The following ZNF385B variants were observed in gnomAD, a reference collection of about 807,000 sequenced individuals.
The protein encoded by ZNF385B is zinc finger protein 385B.
Under a neutral mutation model 39.2 loss-of-function variants are expected in ZNF385B, and 23 were observed. The observed-to-expected ratio is 0.59, with a 90% CI of 0.42 to 0.83. ZNF385B has a LOEUF of 0.83. Among genes scored for constraint, ZNF385B ranks in the 40% least tolerant of loss-of-function variants. The pLI, the probability that ZNF385B is intolerant of heterozygous loss-of-function variation, is 0.00. For missense variants in ZNF385B, 552 were observed against 598.9 expected, an observed-to-expected ratio of 0.92 and a Z score of 0.82; for synonymous variants, 205 against 222.6, an observed-to-expected ratio of 0.92 and a Z score of 0.70.
rs1703654182 is a variant in ZNF385B at position 179,765,785 on chromosome 2, T to C, written c.298+3718A>G. Among the ~76,000 whole-genome samples the C allele has an allele frequency of 3.3e-5, 5 of 152,158 alleles. No individual in the cohort carries two copies. The South Asian group carries it at 1.0e-3, about 31-fold the overall frequency. ...GACAAAGAAACTCACAACTACTTTT[T>C]CCTTTCTGGAAGCCAAGACCCATCT... On this transcript the variant is annotated intron_variant, in intron 3 of 9. Coordinates refer to ENST00000410066, the MANE Select transcript of ZNF385B (RefSeq NM_152520.6).
intron 3 of ZNF385B, among the ~76,000 whole-genome samples, chr2:179,693,823 T>C (rs1432633260): frequency 6.6e-6 from 1 of 152,230 alleles, no homozygotes; most frequent in African/African-American, 2.4e-5. Context: ...TGTGAAATAA[T>C]CAGATGTTTG....
chr2:179,534,770 T>C (rs969877368), intron 4 of ZNF385B: 3 of 152,146 alleles, frequency 2.0e-5, no homozygotes, highest in African/African-American at 7.2e-5. Flanking sequence ...CAAGCCCAGG[T>C]AGGACGGTCA....
intron 3 of ZNF385B, among the ~76,000 whole-genome samples, chr2:179,666,670 G>C (rs1695201235): frequency 6.6e-6 from 1 of 151,594 alleles, no homozygotes; most frequent in Non-Finnish European, 1.5e-5. Flanking sequence ...ATAATCATAA[G>C]AATATTTATT....
At chr2:179,807,929 A>AGAAAGAAAGAAGGAAG (rs749760813) in intron 1 of ZNF385B, among the ~76,000 whole-genome samples, 18 of 116,520 alleles carry the variant, frequency 1.5e-4, no homozygotes, top group East Asian at 6.5e-4. Flanking sequence ...AAAGAAAGAA[A>AGAAAGAAAGAAGGAAG]GAAGGAAGGA....
At chr2:179,476,847 A>G (rs1270877726) in intron 6 of ZNF385B, among the ~76,000 whole-genome samples, 2 of 152,208 alleles carry the variant, frequency 1.3e-5, no homozygotes, top group Non-Finnish European at 2.9e-5. Flanking sequence ...TATGTTCTAC[A>G]TGACTATACC....
At chr2:179,855,095 GA>G (rs994683938) in intron 1 of ZNF385B, among the ~76,000 whole-genome samples, 192 of 146,974 alleles carry the variant, frequency 1.3e-3, no homozygotes, top group African/African-American at 4.4e-3. Context: ...GATGTGTACA[GA>G]AAAAAAAAAG....
intron 3 of ZNF385B, among the ~76,000 whole-genome samples, chr2:179,579,131 G>T (rs1258419754): frequency 6.6e-6 from 1 of 152,036 alleles, no homozygotes; most frequent in African/African-American, 2.4e-5. Flanking sequence ...CTTATGTTGG[G>T]TTTGTAGAAT....
At chr2:179,459,726 A>G (rs985336573) in intron 6 of ZNF385B, among the ~76,000 whole-genome samples, 1 of 151,080 alleles carries the variant, frequency 6.6e-6, no homozygotes, top group Non-Finnish European at 1.5e-5. Context: ...TAATAAATGC[A>G]TAAACTTTTA....
chr2:179,665,233 G>A (rs1480678646), intron 3 of ZNF385B, among the ~76,000 whole-genome samples: 1 of 152,086 alleles, frequency 6.6e-6, no homozygotes, highest in Non-Finnish European at 1.5e-5. Context: ...AAGGAAATGA[G>A]GATAATGATA....
intron 1 of ZNF385B, among the ~76,000 whole-genome samples, chr2:179,840,191 T>C (rs892245964): frequency 1.1e-4 from 17 of 152,226 alleles, no homozygotes; most frequent in Non-Finnish European, 2.4e-4. Context: ...CAGGAACAGA[T>C]GTGTGATCCC....
chr2:179,505,992 C>T (rs2057222700), intron 5 of ZNF385B, among the ~76,000 whole-genome samples: 3 of 151,876 alleles, frequency 2.0e-5, no homozygotes, highest in African/African-American at 7.3e-5. Flanking sequence ...ATATGTAAGA[C>T]TAAAATGAGA....
intron 6 of ZNF385B, among the ~76,000 whole-genome samples, chr2:179,447,018 T>C (rs989121168): frequency 3.9e-5 from 6 of 152,144 alleles, no homozygotes. Context: ...TTCTCCCAGT[T>C]GGAGCAGGTA....
At chr2:179,499,063 A>C (rs951016967) in intron 5 of ZNF385B, among the ~76,000 whole-genome samples, 4 of 151,960 alleles carry the variant, frequency 2.6e-5, no homozygotes, top group Admixed American at 2.6e-4. Context: ...AAATTGGAAA[A>C]TCTAGAAGAA....
At chr2:179,792,967 G>A (rs1384322486) in intron 1 of ZNF385B, among the ~76,000 whole-genome samples, 2 of 152,132 alleles carry the variant, frequency 1.3e-5, no homozygotes, top group African/African-American at 4.8e-5. Flanking sequence ...ATCACCCAGT[G>A]TCTTCATTTT....
At chr2:179,756,183 A>C (rs13009956) in intron 3 of ZNF385B, among the ~76,000 whole-genome samples, 59,426 of 151,542 alleles carry the variant, frequency 0.39, 11,928 homozygotes, top group East Asian at 0.59. Flanking sequence ...TGGTGGTGAC[A>C]AAATCTCTCA....
chr2:179,717,346 C>T (rs6731078), intron 3 of ZNF385B, among the ~76,000 whole-genome samples: 55,477 of 152,008 alleles, frequency 0.36, 10,206 homozygotes, highest in Middle Eastern at 0.48. Context: ...TAAATATTTT[C>T]CCCTGCTTAA....
chr2:179,618,221 T>G (rs1013180857), intron 3 of ZNF385B, among the ~76,000 whole-genome samples: 3 of 152,214 alleles, frequency 2.0e-5, no homozygotes, highest in African/African-American at 7.2e-5. Flanking sequence ...AGTTTACTAA[T>G]GATTATAATT....
chr2:179,528,477 T>C (rs1301472230), intron 4 of ZNF385B, among the ~76,000 whole-genome samples: 1 of 152,230 alleles, frequency 6.6e-6, no homozygotes, highest in African/African-American at 2.4e-5. Flanking sequence ...ACATATGTTG[T>C]CTAAGAGCTA....
rs372303011 is a variant in ZNF385B, at chr2:179,481,665, C to A, written c.715+1607G>T. Among the ~76,000 whole-genome samples, 6 of 152,090 alleles carry A rather than the reference C, an allele frequency of 3.9e-5. No individual in the cohort carries two copies. The East Asian group carries it at 9.6e-4, about 24-fold the overall frequency. Reference sequence around the variant, plus strand: ...GCTGAAAGAATAGAGTGGCACTAACCTCCATTGTTTTATCATTTTACTTAT... The same window carrying A: ...GCTGAAAGAATAGAGTGGCACTAACATCCATTGTTTTATCATTTTACTTAT... On this transcript the variant is annotated intron_variant, in intron 6 of 9. Coordinates refer to ENST00000410066, the MANE Select transcript of ZNF385B (RefSeq NM_152520.6).
Sources: allele counts gnomAD v4.1 joint callset (sites outside exome capture counted in the v4.1 genomes callset), GRCh38; gene constraint gnomAD v4.1.1; transcripts MANE v1.5; gene names NCBI Gene and HGNC (gene_info 2026-07-23, HGNC 2026-07-21).